Variants in EXOG observed in about 807,000 individuals in gnomAD.
EXOG encodes the protein exo/endonuclease G.
EXOG carries 27 observed loss-of-function variants against 25.8 expected under a neutral mutation model. The ratio of observed to expected loss-of-function variants is 1.05; its 90% CI spans 0.77 to 1.45. The LOEUF (loss-of-function observed/expected upper bound fraction) is 1.45, where lower values mean the gene tolerates loss of function less well. EXOG is among the 40% of genes most tolerant of loss of function. The probability of loss-of-function intolerance (pLI) is 0.00; values close to 1 mark genes in which losing one functional copy is unlikely to be tolerated. For missense variants in EXOG, 458 were observed against 450.5 expected, an observed-to-expected ratio of 1.02 and a Z score of -0.15; for synonymous variants, 133 against 167.0, an observed-to-expected ratio of 0.80 and a Z score of 1.57.
Position 38,526,134 on chromosome 3 carries a change from G to A in EXOG, c.*1772G>A. 1 of 985,326 alleles carries A rather than the reference G, an allele frequency of 1.0e-6. No homozygotes were observed. The highest frequency in any genetic ancestry group is 1.2e-6 in the Non-Finnish European group (1 of 829,904). 61.0% of individuals were successfully genotyped at this position (985,326 alleles called of 1,614,324 possible). A position where few individuals can be genotyped will look rare whatever the true frequency, so the allele number is the denominator to read the frequency against. ...TTGGGTTTACACGGAGTCCTTTCATGGACTATCCTGAGTATTGTCAGTAAA... is the reference window on the plus strand; with the variant it reads ...TTGGGTTTACACGGAGTCCTTTCATAGACTATCCTGAGTATTGTCAGTAAA... On this transcript the variant is annotated 3_prime_UTR_variant, in exon 6 of 6. Transcript: ENST00000287675.
intron 5 of EXOG, among the ~76,000 whole-genome samples, chr3:38,516,101 T>G (rs1025920798): frequency 6.6e-6 from 1 of 152,184 alleles, no homozygotes; most frequent in Admixed American, 6.5e-5. Flanking sequence ...TTCACGGTAG[T>G]TCTTAGTCCA....
chr3:38,510,807 T>G (rs2060345590), intron 5 of EXOG, among the ~76,000 whole-genome samples: 1 of 152,138 alleles, frequency 6.6e-6, no homozygotes, highest in Non-Finnish European at 1.5e-5. Flanking sequence ...CTATCAGCTC[T>G]CCTCACCCTA....
intron 2 of EXOG, chr3:38,498,939 G>A (rs769467116): frequency 8.8e-5 from 40 of 456,686 alleles, no homozygotes; most frequent in Middle Eastern, 3.3e-4. Flanking sequence ...GATTCTTCAA[G>A]TTTACACTCC....
In EXOG at chr3:38,502,852, A is replaced by G. The variant is rs150473025; in HGVS notation, c.454-763A>G. On this transcript the variant is annotated intron_variant, in intron 3 of 5. Transcript: ENST00000287675. The stretch of plus-strand genomic sequence containing the variant: ...AGGAGTGTCTTTCATGATATTGACA[A>G]TTGTTGCGTAAACTATTGGTGATTA... Among the ~76,000 whole-genome samples, 18 of 152,222 alleles carry G rather than the reference A, an allele frequency of 1.2e-4. No homozygotes were observed. The East Asian group carries it at 3.5e-3, about 29-fold the overall frequency.
intron 5 of EXOG, among the ~76,000 whole-genome samples, chr3:38,517,878 A>G (rs959024682): frequency 6.6e-6 from 1 of 152,148 alleles, no homozygotes; most frequent in African/African-American, 2.4e-5. Context: ...TTATATATTT[A>G]TGTTTTTCAC....
chr3:38,519,826 C>T (rs1023691567), intron 5 of EXOG, among the ~76,000 whole-genome samples: 3 of 152,204 alleles, frequency 2.0e-5, no homozygotes, highest in African/African-American at 7.2e-5. Flanking sequence ...CTATAGATAA[C>T]ACAGGGGGCG....
In EXOG at chr3:38,525,232, G is replaced by T. The variant is rs141492083; in HGVS notation, c.*870G>T. 2 of 983,812 alleles carry T rather than the reference G, an allele frequency of 2.0e-6. No homozygotes were observed. Among genetic ancestry groups the T allele is most frequent in the African/African-American group, 3.5e-5 (2 of 57,278 alleles). 60.9% of individuals were successfully genotyped at this position (983,812 alleles called of 1,614,324 possible). On this transcript the variant is annotated 3_prime_UTR_variant, in exon 6 of 6. Transcript: ENST00000287675. ...GCTTAGAGAGCTTAGTGTCTTACCT[G>T]AGTTTCACTTTTCCAAAGTAGTCAT...
chr3:38,506,473 G>A (rs1273155678), intron 4 of EXOG, among the ~76,000 whole-genome samples: 5 of 152,100 alleles, frequency 3.3e-5, no homozygotes, highest in Non-Finnish European at 5.9e-5. Flanking sequence ...GTTAACATAA[G>A]CCCAATTGTC....
chr3:38,505,033 C>T (rs1575622628), intron 4 of EXOG, among the ~76,000 whole-genome samples: 1 of 152,102 alleles, frequency 6.6e-6, no homozygotes, highest in East Asian at 1.9e-4. Context: ...ATAAATGTTT[C>T]GTTACATATA....
At chr3:38,506,133 C>T (rs1322954872) in intron 4 of EXOG, among the ~76,000 whole-genome samples, 1 of 151,082 alleles carries the variant, frequency 6.6e-6, no homozygotes, top group Admixed American at 6.6e-5. Flanking sequence ...TGCACCATTG[C>T]ACTGCAGCCT....
intron 5 of EXOG, among the ~76,000 whole-genome samples, chr3:38,511,962 T>A (rs1403107722): frequency 6.6e-6 from 1 of 152,236 alleles, no homozygotes; most frequent in Non-Finnish European, 1.5e-5. Context: ...TTGTATTCTT[T>A]GGTGCATGTA....
At chr3:38,497,887 A>C in intron 2 of EXOG, 109 bp downstream of exon 2, 1 of 1,325,310 alleles carries the variant, frequency 7.5e-7, no homozygotes, top group African/African-American at 1.5e-5. Flanking sequence ...ATCATAGCAC[A>C]TGTAGAAAAT....
At chr3:38,500,789 A>G (rs1396007331) in intron 2 of EXOG, among the ~76,000 whole-genome samples, 1 of 152,198 alleles carries the variant, frequency 6.6e-6, no homozygotes, top group Non-Finnish European at 1.5e-5. Flanking sequence ...GTACCCAGAT[A>G]TTCTGTTTTA....
Position 38,502,974 on chromosome 3 carries a change from C to T in EXOG, c.454-641C>T, listed in dbSNP as rs545929746. ...TGCCCAGACCTGAACCTCATACTTA[C>T]AAAACTGGAAACTCTCAGGGATGAG... On this transcript the variant is annotated intron_variant, in intron 3 of 5. Coordinates refer to ENST00000287675, the MANE Select transcript of EXOG (RefSeq NM_005107.4). 9.2e-5 allele frequency among the ~76,000 whole-genome samples: 14 copies of T among 152,256 alleles called. No homozygotes were observed. The South Asian group carries it at 2.7e-3, about 29-fold the overall frequency.
chr3:38,501,601 T>G, intron 3 of EXOG, 107 bp downstream of exon 3: 1 of 886,042 alleles, frequency 1.1e-6, no homozygotes, highest in Admixed American at 2.5e-5. Flanking sequence ...CTTGAGAATT[T>G]CCATACTCTT....
chr3:38,500,931 A>C (rs946679563), intron 2 of EXOG, among the ~76,000 whole-genome samples: 6 of 152,206 alleles, frequency 3.9e-5, no homozygotes, highest in Non-Finnish European at 7.3e-5. Context: ...GTGTCTATAT[A>C]TATCCATTAT....
At chr3:38,514,778 C>CTTTTTT (rs10678824) in intron 5 of EXOG, among the ~76,000 whole-genome samples, 3 of 113,618 alleles carry the variant, frequency 2.6e-5, no homozygotes, top group African/African-American at 3.5e-5. Flanking sequence ...CCTCCCCCTG[C>CTTTTTT]TTTTTTTTTT....
chr3:38,514,315 T>C (rs935844482), intron 5 of EXOG, among the ~76,000 whole-genome samples: 3 of 152,128 alleles, frequency 2.0e-5, no homozygotes, highest in African/African-American at 4.8e-5. Context: ...AAATAATAAC[T>C]TGAATAGGAT....
intron 4 of EXOG, chr3:38,505,545 A>G (rs921579085): frequency 6.6e-6 from 1 of 152,216 alleles, no homozygotes; most frequent in Non-Finnish European, 1.5e-5. Context: ...CTGGTTGTGA[A>G]CAATTAGTTG....
Sources: allele counts gnomAD v4.1 joint callset (sites outside exome capture counted in the v4.1 genomes callset), GRCh38; gene constraint gnomAD v4.1.1; transcripts MANE v1.5; gene names NCBI Gene and HGNC (gene_info 2026-07-23, HGNC 2026-07-21).